The following DCC variants were observed in gnomAD, a reference collection of about 807,000 sequenced individuals.
DCC encodes the protein netrin receptor DCC.
Under a neutral mutation model 172.5 loss-of-function variants are expected in DCC, and 58 were observed. The ratio of observed to expected loss-of-function variants is 0.34; its 90% CI spans 0.27 to 0.42. The LOEUF is 0.42. DCC is among the 10% of genes least tolerant of loss of function. The probability of loss-of-function intolerance (pLI) is 1.00; values close to 1 mark genes in which losing one functional copy is unlikely to be tolerated. For missense variants in DCC, 1,740 were observed against 1,791.0 expected, an observed-to-expected ratio of 0.97 and a Z score of 0.51; for synonymous variants, 709 against 644.5, an observed-to-expected ratio of 1.10 and a Z score of -1.52.
In DCC at chr18:53,207,682, A is replaced by T; in HGVS notation, c.1726A>T (p.Ile576Leu). ...TTTTGGTGTTTTATGTCTCCAGAAT[A>T]TAGAGGTTGATGGACTATCTTATAA... Reference protein sequence around the residue: ...TEVSTGKEQNIEVDGLSYKLE... With the variant: ...TEVSTGKEQNLEVDGLSYKLE... The change falls in exon 11 of 29, where the codon ATA becomes TTA. Residue 576 changes from isoleucine to leucine, a missense_variant. Ile to Leu is a conservative substitution (Grantham distance 5, BLOSUM62 2). Around this residue, in one of 2 missense-constraint regions of DCC, gnomAD observed 1,732 missense variants for 1,767.4 expected, o/e 0.98. Transcript: ENST00000442544. The T allele has an allele frequency of 2.5e-6, 4 of 1,613,604 alleles. No homozygotes were observed. The highest frequency in any genetic ancestry group is 3.4e-6 in the Non-Finnish European group (4 of 1,179,630).
At chr18:53,180,510 C>T (rs1017739975) in intron 9 of DCC, among the ~76,000 whole-genome samples, 6 of 151,814 alleles carry the variant, frequency 4.0e-5, no homozygotes, top group African/African-American at 9.7e-5. Flanking sequence ...TACAGCAGAA[C>T]GTGAGTCCTT....
intron 2 of DCC, among the ~76,000 whole-genome samples, chr18:52,841,267 A>G (rs1205585495): frequency 3.4e-5 from 5 of 147,706 alleles, no homozygotes; most frequent in Admixed American, 6.9e-5. Context: ...ATCAGAGGTG[A>G]CATAACTTGT....
At chr18:52,845,952 T>C (rs1416735627) in intron 2 of DCC, among the ~76,000 whole-genome samples, 1 of 152,230 alleles carries the variant, frequency 6.6e-6, no homozygotes, top group Non-Finnish European at 1.5e-5. Context: ...TTCCTTTTAC[T>C]GTGTACATGG....
chr18:52,564,954 C>G (rs992398546), intron 1 of DCC, among the ~76,000 whole-genome samples: 1 of 151,992 alleles, frequency 6.6e-6, no homozygotes. Flanking sequence ...AGAAGCTGAT[C>G]TCTCACACTG....
intron 5 of DCC, among the ~76,000 whole-genome samples, chr18:52,952,205 A>G (rs114149052): frequency 1.0e-3 from 155 of 151,952 alleles, no homozygotes; most frequent in African/African-American, 3.6e-3. Flanking sequence ...TATTTTCCTT[A>G]TTTTAATGTT....
chr18:53,014,872 T>G (rs945995212), intron 5 of DCC, among the ~76,000 whole-genome samples: 9 of 152,120 alleles, frequency 5.9e-5, no homozygotes, highest in Non-Finnish European at 1.3e-4. Flanking sequence ...ATGATATCTG[T>G]GTGATGGAGT....
At position 53,379,870 on chromosome 18, in the gene DCC, A is replaced by C. The variant is rs371751762; in HGVS notation, c.2360-6173A>C. On this transcript the variant is annotated intron_variant, in intron 15 of 28. Coordinates refer to ENST00000442544, the MANE Select transcript of DCC (RefSeq NM_005215.4). ...ATAACCCAGAATATTCTTGATTTAA[A>C]AGAATTCCCGTGGACTTCCAAATTA... Among the ~76,000 whole-genome samples the C allele has an allele frequency of 3.3e-5, 5 of 152,362 alleles. No individual in the cohort carries two copies. The South Asian group carries it at 1.0e-3, about 32-fold the overall frequency.
chr18:53,233,973 A>G (rs188434026), intron 12 of DCC, among the ~76,000 whole-genome samples: 68 of 152,192 alleles, frequency 4.5e-4, no homozygotes, highest in African/African-American at 1.6e-3. Context: ...AATTAGGACC[A>G]GGCGCAGTGG....
chr18:52,930,708 T>G (rs2040294688), intron 5 of DCC, among the ~76,000 whole-genome samples: 1 of 152,186 alleles, frequency 6.6e-6, no homozygotes, highest in Non-Finnish European at 1.5e-5. Context: ...TGCTGTCTTT[T>G]TTGACCTTCA....
chr18:53,288,201 C>CT lies in DCC; in HGVS notation c.1912-17376dup, dbSNP rs772348598. On this transcript the variant is annotated intron_variant, in intron 12 of 28. Transcript: ENST00000442544. Reference sequence around the variant, plus strand: ...GTCTCTTTTTGACAATGACTATTGACTAGTCTGACATATTCTTGATTAAAG... The same window carrying CT: ...GTCTCTTTTTGACAATGACTATTGACTTAGTCTGACATATTCTTGATTAAAG... 5.7e-4 allele frequency among the ~76,000 whole-genome samples: 87 copies of CT among 152,158 alleles called. 1 individual carries two copies. Among genetic ancestry groups the CT allele is most frequent in the South Asian group, 2.3e-3 (11 of 4,824 alleles).
intron 27 of DCC, among the ~76,000 whole-genome samples, chr18:53,510,133 T>C (rs1029148450): frequency 1.3e-5 from 2 of 152,174 alleles, no homozygotes; most frequent in Non-Finnish European, 2.9e-5. Context: ...TGTGTTGTCC[T>C]TCGAAAGGGG....
At position 52,906,232 on chromosome 18, in the gene DCC, C is replaced by G. The variant is rs2229080; in HGVS notation, c.601C>G (p.Arg201Gly). ...VLPSGALQIS[R>G]LQPGDIGIYR... ...GCCCTCTGGAGCATTGCAGATCAGC[C>G]GACTCCAACCGGGGGACATTGGAAT... The change falls in exon 3 of 29, where the codon CGA (arginine) becomes GGA (glycine). Residue 201 changes from arginine (R) to glycine (G), a missense_variant. Coordinates refer to ENST00000442544, the MANE Select transcript of DCC (RefSeq NM_005215.4). The G allele has an allele frequency of 0.39, 632,232 of 1,613,528 alleles. 130,283 individuals carry two copies. The highest frequency in any genetic ancestry group is 0.62 in the South Asian group (56,798 of 91,066).
At chr18:53,336,263 T>C (rs2057590181) in intron 14 of DCC, among the ~76,000 whole-genome samples, 1 of 152,218 alleles carries the variant, frequency 6.6e-6, no homozygotes, top group Admixed American at 6.5e-5. Context: ...ATATTATATA[T>C]CTTCCACAGC....
At chr18:52,681,627 G>T (rs1218884966) in intron 1 of DCC, among the ~76,000 whole-genome samples, 3 of 152,100 alleles carry the variant, frequency 2.0e-5, no homozygotes, top group Non-Finnish European at 4.4e-5. Context: ...CAAAGGAGCT[G>T]CTGCTAATTC....
intron 1 of DCC, among the ~76,000 whole-genome samples, chr18:52,466,866 T>C (rs1255712141): frequency 6.6e-6 from 1 of 152,154 alleles, no homozygotes; most frequent in African/African-American, 2.4e-5. Flanking sequence ...TTACAACTGC[T>C]ATAATTTGCC....
At chr18:52,820,616 C>A (rs570838992) in intron 2 of DCC, among the ~76,000 whole-genome samples, 1 of 152,168 alleles carries the variant, frequency 6.6e-6, no homozygotes, top group African/African-American at 2.4e-5. Context: ...CAGTATGATG[C>A]ATCCAACAAG....
chr18:52,511,724 A>G (rs1226076669), intron 1 of DCC, among the ~76,000 whole-genome samples: 1 of 152,226 alleles, frequency 6.6e-6, no homozygotes, highest in Non-Finnish European at 1.5e-5. Context: ...TTAATCTCAC[A>G]ACATTTTAAT....
intron 25 of DCC, among the ~76,000 whole-genome samples, chr18:53,473,876 A>C (rs2045728895): frequency 6.6e-6 from 1 of 152,174 alleles, no homozygotes; most frequent in South Asian, 2.1e-4. Context: ...TCTGAACTTG[A>C]AACCCCTGCT....
intron 12 of DCC, among the ~76,000 whole-genome samples, chr18:53,265,019 G>A (rs749385875): frequency 6.6e-6 from 1 of 152,154 alleles, no homozygotes; most frequent in Admixed American, 6.6e-5. Flanking sequence ...ATAATGCCCA[G>A]TATGTGCCCA....
Sources: allele counts gnomAD v4.1 joint callset (sites outside exome capture counted in the v4.1 genomes callset), GRCh38; gene constraint gnomAD v4.1.1; regional missense constraint gnomAD v4.1.1; transcripts MANE v1.5; gene names NCBI Gene and HGNC (gene_info 2026-07-23, HGNC 2026-07-21).